The following NR2C2 variants were observed in gnomAD, a reference collection of about 807,000 sequenced individuals.
The protein encoded by NR2C2 is Nuclear hormone receptor TR4.
A neutral mutation model predicts 62.9 loss-of-function variants in NR2C2; 6 were observed. That is an observed-to-expected ratio of 0.10 (90% CI 0.05 to 0.19). NR2C2 has a LOEUF of 0.19. Ranked by LOEUF, NR2C2 falls within the 10% of genes least tolerant of loss-of-function variation. NR2C2 has a pLI of 1.00. For missense variants in NR2C2, 479 were observed against 762.7 expected, an observed-to-expected ratio of 0.63 and a Z score of 4.38; for synonymous variants, 272 against 273.8, an observed-to-expected ratio of 0.99 and a Z score of 0.07.
chr3:15,005,690 G>A (rs1330654036), intron 2 of NR2C2, among the ~76,000 whole-genome samples: 2 of 151,804 alleles, frequency 1.3e-5, no homozygotes, highest in African/African-American at 2.4e-5. Flanking sequence ...ACCACTGTCA[G>A]CTTCTCCATC....
intron 11 of NR2C2, among the ~76,000 whole-genome samples, 195 bp downstream of exon 11, chr3:15,035,004 G>A (rs596827): frequency 0.91 from 139,272 of 152,270 alleles, 63,918 homozygotes; most frequent in African/African-American, 0.98. Context: ...AAGGTATGGA[G>A]CCTTTGGGCT....
chr3:14,996,133 T>C (rs965118091), intron 1 of NR2C2, among the ~76,000 whole-genome samples: 2 of 152,246 alleles, frequency 1.3e-5, no homozygotes, highest in Non-Finnish European at 2.9e-5. Context: ...TTTTTCACTT[T>C]CTTACCGTCT....
intron 2 of NR2C2, among the ~76,000 whole-genome samples, chr3:15,005,519 C>CTTTTTT (rs574293033): frequency 1.8e-5 from 2 of 114,114 alleles, no homozygotes; most frequent in Non-Finnish European, 3.6e-5. Flanking sequence ...GCGTGGCCAA[C>CTTTTTT]TTTTTTTTTT....
intron 1 of NR2C2, among the ~76,000 whole-genome samples, chr3:14,991,047 G>A (rs115603231): frequency 0.016 from 2,414 of 152,282 alleles, 70 homozygotes; most frequent in African/African-American, 0.054. Flanking sequence ...ATTGTGGGGA[G>A]TGGTTGTTGA....
intron 6 of NR2C2, among the ~76,000 whole-genome samples, chr3:15,023,560 C>A (rs999143464): frequency 1.3e-5 from 2 of 152,202 alleles, no homozygotes; most frequent in African/African-American, 4.8e-5. Context: ...TTCTCCTAGC[C>A]TTGAATTCAG....
chr3:14,948,324 T>G (rs756165575), intron 1 of NR2C2: 4 of 152,306 alleles, frequency 2.6e-5, no homozygotes, highest in Non-Finnish European at 5.9e-5. Flanking sequence ...CCGCTTCTAG[T>G]CCGCCTTTGG....
rs922629805 is a variant in NR2C2 at position 15,046,152 on chromosome 3, C to T, written c.*3144C>T. ...GACATTTCTGTGTCCTGAGGAGTTA[C>T]ATTTATTGTCTAACCCTTGCCATAA... On this transcript the variant is annotated 3_prime_UTR_variant, in exon 14 of 14. Transcript: ENST00000425241. 2 of 152,220 alleles carry T rather than the reference C, an allele frequency of 1.3e-5. No homozygotes were observed. Among genetic ancestry groups the T allele is most frequent in the Admixed American group, 1.3e-4 (2 of 15,280 alleles). The allele number at this position is 152,220 out of a possible 1,614,324, so 9.4% of individuals were successfully genotyped here. A position where few individuals can be genotyped will look rare whatever the true frequency, so the allele number is the denominator to read the frequency against.
chr3:14,994,477 C>G (rs938986237), intron 1 of NR2C2, among the ~76,000 whole-genome samples: 1 of 139,678 alleles, frequency 7.2e-6, no homozygotes, highest in African/African-American at 2.7e-5. Flanking sequence ...AGAGTCTCAC[C>G]CTGTCGCCAG....
chr3:14,997,241 A>G (rs918307514), intron 1 of NR2C2, among the ~76,000 whole-genome samples: 4 of 152,236 alleles, frequency 2.6e-5, no homozygotes, highest in African/African-American at 4.8e-5. Flanking sequence ...CCTAGGGGCA[A>G]TAGGCCATAC....
intron 1 of NR2C2, among the ~76,000 whole-genome samples, chr3:14,999,623 A>C (rs1480053119): frequency 1.3e-5 from 2 of 151,956 alleles, no homozygotes; most frequent in African/African-American, 2.4e-5. Context: ...GTTTTCTGAG[A>C]GTTTTATAGT....
chr3:15,015,820 G>C (rs1208902181), intron 3 of NR2C2, among the ~76,000 whole-genome samples: 1 of 152,128 alleles, frequency 6.6e-6, no homozygotes, highest in Non-Finnish European at 1.5e-5. Flanking sequence ...GTTTGTTTTT[G>C]AGATGGGGTC....
chr3:14,998,566 G>A (rs1309367176), intron 1 of NR2C2, among the ~76,000 whole-genome samples: 2 of 152,096 alleles, frequency 1.3e-5, no homozygotes, highest in Non-Finnish European at 2.9e-5. Flanking sequence ...ATATCTTCTA[G>A]GAGAAATTTC....
Position 15,017,493 on chromosome 3 carries a change from A to G in NR2C2, c.376+1239A>G, listed in dbSNP as rs550797540. Among the ~76,000 whole-genome samples, 5 of 152,356 alleles carry G rather than the reference A, an allele frequency of 3.3e-5. No individual in the cohort carries two copies. In the South Asian group the frequency reaches 1.0e-3, roughly 32 times the overall value. ...TGTATTCCTGTCTTCTTGCTCAGCA[A>G]GGAAAGGCTCTCTACAAACTTCTGA... On this transcript the variant is annotated intron_variant, in intron 4 of 13. Coordinates refer to ENST00000425241, the MANE Select transcript of NR2C2 (RefSeq NM_001291694.2).
chr3:14,974,118 C>G (rs1176292961), intron 1 of NR2C2, among the ~76,000 whole-genome samples: 1 of 152,210 alleles, frequency 6.6e-6, no homozygotes, highest in Non-Finnish European at 1.5e-5. Context: ...CCCCCACCCT[C>G]ACAACTGCTC....
chr3:14,948,463 G>A (rs2039214675), intron 1 of NR2C2: 1 of 152,310 alleles, frequency 6.6e-6, no homozygotes, highest in Non-Finnish European at 1.5e-5. Flanking sequence ...AGGAGGGCCG[G>A]GGCCTGTGGC....
chr3:14,966,095 C>CT (rs1316273732), intron 1 of NR2C2, among the ~76,000 whole-genome samples: 2 of 152,180 alleles, frequency 1.3e-5, no homozygotes, highest in African/African-American at 2.4e-5. Flanking sequence ...AGGGCCTACA[C>CT]TTTATCATTT....
At chr3:15,032,595 C>G in intron 10 of NR2C2, 95 bp downstream of exon 10, 2 of 1,475,312 alleles carry the variant, frequency 1.4e-6, no homozygotes, top group South Asian at 1.2e-5. Context: ...TCTAGTTTGA[C>G]TGTTTCTATG....
At chr3:14,964,891 G>A (rs1414918196) in intron 1 of NR2C2, among the ~76,000 whole-genome samples, 1 of 152,152 alleles carries the variant, frequency 6.6e-6, no homozygotes, top group Non-Finnish European at 1.5e-5. Flanking sequence ...GGTGATAGGT[G>A]GCTGGATCCT....
intron 5 of NR2C2, among the ~76,000 whole-genome samples, chr3:15,022,293 G>A (rs1395948930): frequency 6.6e-6 from 1 of 151,954 alleles, no homozygotes; most frequent in African/African-American, 2.4e-5. Context: ...AAGCTATTCA[G>A]ACTTGAGTTG....
Sources: allele counts gnomAD v4.1 joint callset (sites outside exome capture counted in the v4.1 genomes callset), GRCh38; gene constraint gnomAD v4.1.1; transcripts MANE v1.5; gene names NCBI Gene and HGNC (gene_info 2026-07-23, HGNC 2026-07-21).